Variants in CLINT1 observed in about 807,000 individuals in gnomAD.
The protein encoded by CLINT1 is clathrin interacting protein localized in the trans-Golgi region.
A neutral mutation model predicts 70.4 loss-of-function variants in CLINT1; 15 were observed. The observed-to-expected ratio is 0.21, with a 90% CI of 0.14 to 0.33. The LOEUF (loss-of-function observed/expected upper bound fraction) is 0.33. Among genes scored for constraint, CLINT1 ranks in the 10% least tolerant of loss-of-function variants. The pLI is 1.00. For missense variants in CLINT1, 615 were observed against 778.1 expected (o/e 0.79, Z 2.49); for synonymous variants, 227 against 254.7 (o/e 0.89, Z 1.04).
chr5:157,857,276 A>C (rs535391987), intron 1 of CLINT1, among the ~76,000 whole-genome samples: 43 of 152,050 alleles, frequency 2.8e-4, no homozygotes, highest in South Asian at 2.7e-3. Flanking sequence ...CCTTTAAAAA[A>C]CTATTTAAGT....
Position 157,857,643 on chromosome 5 carries a change from G to A in CLINT1, c.41+1287C>T, listed in dbSNP as rs568653528. Among the ~76,000 whole-genome samples, 37 of 152,278 alleles carry A rather than the reference G, an allele frequency of 2.4e-4. 1 individual carries two copies. Among genetic ancestry groups the A allele is most frequent in the Middle Eastern group, 6.8e-3 (2 of 294 alleles). On this transcript the variant is annotated intron_variant, in intron 1 of 11. Transcript: ENST00000411809. ...ACAACAACATTCTAAGGTAGGTATC[G>A]TTGCATTTTCATTTTGTACCAGAGA...
chr5:157,850,844 G>C (rs548658719), intron 1 of CLINT1, among the ~76,000 whole-genome samples: 1 of 152,076 alleles, frequency 6.6e-6, no homozygotes, highest in East Asian at 1.9e-4. Flanking sequence ...GCCCAGGCTA[G>C]AGTGCAGTGG....
intron 1 of CLINT1, among the ~76,000 whole-genome samples, chr5:157,858,565 G>A (rs1161307894): frequency 6.6e-6 from 1 of 152,206 alleles, no homozygotes; most frequent in Non-Finnish European, 1.5e-5. Context: ...CTCCCCAGGA[G>A]GCAAAGCCCA....
At chr5:157,824,627 C>T (rs1561658198) in intron 1 of CLINT1, among the ~76,000 whole-genome samples, 1 of 152,150 alleles carries the variant, frequency 6.6e-6, no homozygotes, top group South Asian at 2.1e-4. Flanking sequence ...AATAGCCATG[C>T]TGTTAAAGCA....
At chr5:157,828,486 T>C (rs984838425) in intron 1 of CLINT1, among the ~76,000 whole-genome samples, 2 of 151,752 alleles carry the variant, frequency 1.3e-5, no homozygotes, top group African/African-American at 2.4e-5. Context: ...CTAACAACTA[T>C]ATAAAAACAC....
At chr5:157,815,668 G>A (rs1762698038) in intron 3 of CLINT1, among the ~76,000 whole-genome samples, 1 of 152,128 alleles carries the variant, frequency 6.6e-6, no homozygotes, top group Non-Finnish European at 1.5e-5. Flanking sequence ...TGCGTAATGT[G>A]CCATTAGGCA....
intron 1 of CLINT1, among the ~76,000 whole-genome samples, chr5:157,841,301 C>T (rs1364308854): frequency 2.0e-5 from 3 of 151,346 alleles, no homozygotes; most frequent in African/African-American, 7.3e-5. Context: ...CACGGTGGCT[C>T]ACACCTATAA....
chr5:157,835,206 T>C (rs1405940423), intron 1 of CLINT1, among the ~76,000 whole-genome samples: 1 of 152,204 alleles, frequency 6.6e-6, no homozygotes, highest in African/African-American at 2.4e-5. Flanking sequence ...TGCTATGTAG[T>C]GCTCCTAAAC....
intron 1 of CLINT1, among the ~76,000 whole-genome samples, chr5:157,832,454 T>C (rs1175030864): frequency 6.6e-6 from 1 of 152,214 alleles, no homozygotes. Context: ...TGATACCATC[T>C]TTGGGGAACT....
chr5:157,809,811 T>C lies in CLINT1; in HGVS notation c.518-6A>G, dbSNP rs535184396. On this transcript the variant is annotated splice_polypyrimidine_tract_variant and splice_region_variant and intron_variant, in intron 5 of 11. Coordinates refer to ENST00000411809, the MANE Select transcript of CLINT1 (RefSeq NM_014666.4). ...CTCAGGATCATATCTTTCACCTAGA[T>C]AGAGCATTAAAAAAAGAAGCAATTC... 39 of 1,606,140 alleles carry C rather than the reference T, an allele frequency of 2.4e-5. No homozygotes were observed. The East Asian group carries it at 7.2e-4, about 30-fold the overall frequency.
intron 1 of CLINT1, among the ~76,000 whole-genome samples, chr5:157,830,776 C>T (rs1009634909): frequency 7.7e-6 from 1 of 129,592 alleles, no homozygotes; most frequent in Non-Finnish European, 1.6e-5. Context: ...CTCTCTCTCT[C>T]TCTCTCTCTC....
In CLINT1 at chr5:157,858,947, G is replaced by A; in HGVS notation, c.24C>T (p.Arg8=). 1 of 1,584,078 alleles carries A rather than the reference G, an allele frequency of 6.3e-7. No homozygotes were observed. The highest frequency in any genetic ancestry group is 8.6e-7 in the Non-Finnish European group (1 of 1,166,980). MLNMWKV[R]ELVDKATNVV... ...ATACTCACGCTTTGTCCACCAGCTCGCGCACCTTCCACATGTTCAACATCG... is the reference window on the plus strand; with the variant it reads ...ATACTCACGCTTTGTCCACCAGCTCACGCACCTTCCACATGTTCAACATCG... Residue 8 remains arginine, a synonymous_variant, in exon 1 of 12, where the codon CGC becomes CGT. Transcript: ENST00000411809.
intron 1 of CLINT1, among the ~76,000 whole-genome samples, chr5:157,856,456 A>G (rs1201219795): frequency 1.3e-5 from 2 of 152,252 alleles, no homozygotes; most frequent in African/African-American, 4.8e-5. Context: ...CCCTCATTCT[A>G]TTGATCCATC....
At chr5:157,813,918 C>T (rs377725164) in intron 4 of CLINT1, among the ~76,000 whole-genome samples, 2 of 152,314 alleles carry the variant, frequency 1.3e-5, no homozygotes, top group East Asian at 3.9e-4. Context: ...TTTATGGACA[C>T]CACAGGGGAC....
At position 157,787,992 on chromosome 5, in the gene CLINT1, T is replaced by C. The variant is rs767700453; in HGVS notation, c.1532A>G (p.Asn511Ser). 6.2e-7 allele frequency: 1 copy of C among 1,600,838 alleles called. No homozygotes were observed. Among genetic ancestry groups the C allele is most frequent in the East Asian group, 2.2e-5 (1 of 44,522 alleles). The change falls in exon 12 of 12, where the codon AAT becomes AGT. Residue 511 changes from asparagine to serine, a missense_variant and splice_region_variant. Physicochemically the swap from Asn to Ser is conservative, Grantham distance 46. This residue lies in a region of CLINT1 where 374 missense variants were observed against 409.6 expected (regional missense o/e 0.91). Coordinates refer to ENST00000411809, the MANE Select transcript of CLINT1 (RefSeq NM_014666.4). ...CATCACATTCATAGGCTGCTGCATA[T>C]CTACCAGACGAAAACAGACAGAAGA... The part of the protein sequence containing the change: ...PSLNTMIQQQ[N>S]MQQPMNVMTQ...
intron 9 of CLINT1, among the ~76,000 whole-genome samples, chr5:157,792,735 G>A (rs983240694): frequency 6.6e-6 from 1 of 152,192 alleles, no homozygotes. Context: ...TACTTTGCAA[G>A]TTTAAGGTTG....
intron 5 of CLINT1, among the ~76,000 whole-genome samples, chr5:157,811,606 AC>A (rs1762561268): frequency 6.6e-6 from 1 of 152,148 alleles, no homozygotes; most frequent in Admixed American, 6.5e-5. Context: ...AATAACATAA[AC>A]CATGAACAAT....
intron 8 of CLINT1, 101 bp from the exon 9 acceptor site, chr5:157,795,073 A>C: frequency 1.1e-6 from 1 of 874,528 alleles, no homozygotes; most frequent in Non-Finnish European, 1.8e-6. Context: ...CTAATATTAG[A>C]GGCCCAGATG....
intron 1 of CLINT1, among the ~76,000 whole-genome samples, chr5:157,856,772 A>T (rs377300281): frequency 6.6e-6 from 1 of 152,220 alleles, no homozygotes; most frequent in Non-Finnish European, 1.5e-5. Context: ...TGGTGACAAC[A>T]TTCTTCTATG....
Sources: allele counts gnomAD v4.1 joint callset (sites outside exome capture counted in the v4.1 genomes callset), GRCh38; gene constraint gnomAD v4.1.1; regional missense constraint gnomAD v4.1.1; transcripts MANE v1.5; gene names NCBI Gene and HGNC (gene_info 2026-07-23, HGNC 2026-07-21).